Variants in DGLUCY observed in about 807,000 individuals in gnomAD.
The protein encoded by DGLUCY is D-glutamate cyclase, mitochondrial.
A neutral mutation model predicts 58.5 loss-of-function variants in DGLUCY; 58 were observed. That is an observed-to-expected ratio of 0.99 (90% CI 0.80 to 1.23). The LOEUF (loss-of-function observed/expected upper bound fraction) is 1.23, where lower values mean the gene tolerates loss of function less well. DGLUCY is among the 50% of genes most tolerant of loss of function. The pLI is 0.00. For synonymous variants in DGLUCY, 325 were observed against 314.1 expected, an observed-to-expected ratio of 1.03 and a Z score of -0.37; for missense variants, 779 against 784.7, an observed-to-expected ratio of 0.99 and a Z score of 0.09.
chr14:91,185,050 C>T (rs1352676625), intron 8 of DGLUCY, among the ~76,000 whole-genome samples: 6 of 151,898 alleles, frequency 4.0e-5, no homozygotes, highest in South Asian at 4.2e-4. Flanking sequence ...TCATTGCAAC[C>T]GCCACCTCCT....
At chr14:91,206,682 C>G (rs1482964840) in intron 12 of DGLUCY, among the ~76,000 whole-genome samples, 1 of 152,114 alleles carries the variant, frequency 6.6e-6, no homozygotes, top group Non-Finnish European at 1.5e-5. Context: ...TGCGCCTGGC[C>G]CAGCTGCAGT....
At chr14:91,171,911 C>G (rs1427973114) in intron 5 of DGLUCY, among the ~76,000 whole-genome samples, 1 of 152,172 alleles carries the variant, frequency 6.6e-6, no homozygotes, top group East Asian at 1.9e-4. Flanking sequence ...GTGATGTTCT[C>G]CCTTGCCTCC....
At chr14:91,084,313 C>T (rs540400108) in intron 1 of DGLUCY, among the ~76,000 whole-genome samples, 56 of 150,916 alleles carry the variant, frequency 3.7e-4, no homozygotes, top group African/African-American at 1.3e-3. Flanking sequence ...AAGAGATTTT[C>T]GTGCCTCAGC....
chr14:91,102,422 T>G (rs184126244), intron 1 of DGLUCY, among the ~76,000 whole-genome samples: 28 of 152,254 alleles, frequency 1.8e-4, no homozygotes, highest in Non-Finnish European at 3.7e-4. Flanking sequence ...TCATAATGTC[T>G]AGAATTTTCC....
chr14:91,081,134 C>T (rs1249278296), intron 1 of DGLUCY, among the ~76,000 whole-genome samples: 1 of 151,638 alleles, frequency 6.6e-6, no homozygotes, highest in South Asian at 2.1e-4. Flanking sequence ...ACCCGGGAGG[C>T]GGAGCTTGCA....
chr14:91,195,043 C>T (rs745869515), intron 9 of DGLUCY, among the ~76,000 whole-genome samples: 36 of 152,152 alleles, frequency 2.4e-4, no homozygotes, highest in Admixed American at 2.2e-3. Flanking sequence ...CCTCCTTGGG[C>T]TGGCTCTACG....
chr14:91,194,262 G>A (rs2050075345), intron 9 of DGLUCY, among the ~76,000 whole-genome samples: 1 of 152,086 alleles, frequency 6.6e-6, no homozygotes, highest in African/African-American at 2.4e-5. Context: ...GCTTGCCCAA[G>A]GTCACATAGC....
intron 2 of DGLUCY, among the ~76,000 whole-genome samples, chr14:91,158,317 G>A (rs1566972594): frequency 6.6e-6 from 1 of 152,114 alleles, no homozygotes; most frequent in Non-Finnish European, 1.5e-5. Context: ...ACTCCTCCCA[G>A]CACCCCCTCC....
At chr14:91,075,570 G>A (rs561736761) in intron 1 of DGLUCY, among the ~76,000 whole-genome samples, 9 of 152,248 alleles carry the variant, frequency 5.9e-5, no homozygotes, top group Non-Finnish European at 1.2e-4. Flanking sequence ...AAATAAGTGC[G>A]TCCTCCAGGG....
Position 91,224,938 on chromosome 14 carries a change from C to G in DGLUCY, c.*105C>G. 1 of 1,298,078 alleles carries G rather than the reference C, an allele frequency of 7.7e-7. No homozygotes were observed. The highest frequency in any genetic ancestry group is 1.0e-6 in the Non-Finnish European group (1 of 973,730). The allele number at this position is 1,298,078 out of a possible 1,614,324, so 80.4% of individuals were successfully genotyped here. A position where few individuals can be genotyped will look rare whatever the true frequency, so the allele number is the denominator to read the frequency against. ...AATCCTGCTAGTAAACACTGGTCTT[C>G]GGTGAGCAACGAACACTCGCCTGGC... On this transcript the variant is annotated 3_prime_UTR_variant, in exon 14 of 14. Coordinates refer to ENST00000256324, the MANE Select transcript of DGLUCY (RefSeq NM_001102368.3).
intron 1 of DGLUCY, among the ~76,000 whole-genome samples, chr14:91,073,536 T>C (rs1382685647): frequency 8.5e-5 from 13 of 152,222 alleles, no homozygotes. Flanking sequence ...GGTTTTGCCA[T>C]ATTGGCCAGG....
intron 1 of DGLUCY, among the ~76,000 whole-genome samples, chr14:91,090,857 T>C (rs1269345269): frequency 1.3e-5 from 2 of 152,140 alleles, no homozygotes; most frequent in African/African-American, 4.8e-5. Context: ...TGACTGTGGG[T>C]GAGCATCCTA....
chr14:91,164,781 G>A (rs773677340), intron 3 of DGLUCY, among the ~76,000 whole-genome samples: 10 of 152,184 alleles, frequency 6.6e-5, no homozygotes, highest in Admixed American at 3.9e-4. Context: ...ACTGTGCTGG[G>A]CCAGACCTGA....
At chr14:91,208,175 T>G (rs543302038) in intron 12 of DGLUCY, among the ~76,000 whole-genome samples, 2 of 152,316 alleles carry the variant, frequency 1.3e-5, no homozygotes, top group South Asian at 4.1e-4. Flanking sequence ...AAATAAAAAT[T>G]GAGAGAATTT....
intron 1 of DGLUCY, among the ~76,000 whole-genome samples, chr14:91,133,452 G>A (rs954644450): frequency 1.3e-5 from 2 of 152,132 alleles, no homozygotes; most frequent in Admixed American, 6.5e-5. Context: ...ATGAATATTG[G>A]TATACAAATA....
At chr14:91,086,563 T>A (rs891107121) in intron 1 of DGLUCY, among the ~76,000 whole-genome samples, 1 of 152,182 alleles carries the variant, frequency 6.6e-6, no homozygotes, top group Non-Finnish European at 1.5e-5. Flanking sequence ...AGCCTGTACA[T>A]GTTCAGTAAA....
chr14:91,192,255 G>A lies in DGLUCY; in HGVS notation c.1195+3085G>A, dbSNP rs187330401. 5.9e-5 allele frequency among the ~76,000 whole-genome samples: 9 copies of A among 152,282 alleles called. No homozygotes were observed. The East Asian group carries it at 1.2e-3, about 20-fold the overall frequency. On this transcript the variant is annotated intron_variant, in intron 9 of 13. Coordinates refer to ENST00000256324, the MANE Select transcript of DGLUCY (RefSeq NM_001102368.3). ...TCTTGAGAAGTGGATTAAGCCAATC[G>A]TATTGTATGACTCCACGCATATGAC...
intron 3 of DGLUCY, among the ~76,000 whole-genome samples, chr14:91,161,072 TTTG>T (rs990127492): frequency 2.6e-5 from 4 of 152,324 alleles, no homozygotes; most frequent in African/African-American, 7.2e-5. Flanking sequence ...GGCACTCTTT[TTTG>T]TTGTTGTTGA....
intron 1 of DGLUCY, among the ~76,000 whole-genome samples, chr14:91,062,280 T>G (rs191872122): frequency 3.2e-3 from 487 of 151,904 alleles, no homozygotes; most frequent in Non-Finnish European, 5.6e-3. Flanking sequence ...GGCGCAGTGG[T>G]TCACACCTGT....
Sources: gnomAD v4.1 joint callset for allele counts (sites outside exome capture counted in the v4.1 genomes callset) on GRCh38, gnomAD v4.1.1 for gene constraint, MANE v1.5 for transcripts, NCBI Gene and HGNC (gene_info 2026-07-23, HGNC 2026-07-21) for gene names.